The following DLG2 variants were observed in gnomAD, a reference collection of about 807,000 sequenced individuals.
DLG2 encodes disks large homolog 2.
Under a neutral mutation model 132.5 loss-of-function variants are expected in DLG2, and 45 were observed. The observed-to-expected ratio is 0.34, with a 90% CI of 0.27 to 0.44. The LOEUF (loss-of-function observed/expected upper bound fraction) is 0.44, where lower values mean the gene tolerates loss of function less well. Among genes scored for constraint, DLG2 ranks in the 20% least tolerant of loss-of-function variants. The pLI, the probability that DLG2 is intolerant of heterozygous loss-of-function variation, is 1.00. For missense variants in DLG2, 1,045 were observed against 1,196.9 expected (o/e 0.87, Z 1.87); for synonymous variants, 424 against 419.6 (o/e 1.01, Z -0.13).
intron 18 of DLG2, among the ~76,000 whole-genome samples, chr11:83,743,182 G>A (rs1428962080): frequency 6.6e-6 from 1 of 152,134 alleles, no homozygotes. Flanking sequence ...GAGCAGAAGA[G>A]GTGGTTTTAT....
At chr11:85,235,776 G>A (rs1490048484) in intron 4 of DLG2, among the ~76,000 whole-genome samples, 1 of 151,780 alleles carries the variant, frequency 6.6e-6, no homozygotes, top group African/African-American at 2.4e-5. Context: ...ATGAAAAAGT[G>A]GTGAGGATCT....
rs181120726 is a variant in DLG2, at chr11:85,288,199, A to G, written c.41-2834T>C. 2.6e-3 allele frequency among the ~76,000 whole-genome samples: 391 copies of G among 152,138 alleles called. 2 individuals carry two copies. Among genetic ancestry groups the G allele is most frequent in the Non-Finnish European group, 4.5e-3 (306 of 67,970 alleles). ...AATATTATATTTTCATAAATAATAA[A>G]GAAAAATTTTGTGTTTCATAAATAT... On this transcript the variant is annotated intron_variant, in intron 3 of 27. Transcript: ENST00000376104.
At chr11:83,641,203 A>G (rs2066403055) in intron 18 of DLG2, among the ~76,000 whole-genome samples, 1 of 152,192 alleles carries the variant, frequency 6.6e-6, no homozygotes, top group African/African-American at 2.4e-5. Context: ...GGGAAGATGT[A>G]AGTCTTATAA....
At chr11:85,439,521 G>A (rs2091668069) in intron 3 of DLG2, among the ~76,000 whole-genome samples, 2 of 151,850 alleles carry the variant, frequency 1.3e-5, no homozygotes, top group East Asian at 3.9e-4. Context: ...CACCACACCC[G>A]GCTAATTTTT....
chr11:85,002,774 C>A (rs986842749), intron 6 of DLG2, among the ~76,000 whole-genome samples: 3 of 151,952 alleles, frequency 2.0e-5, no homozygotes, highest in African/African-American at 7.3e-5. Flanking sequence ...CCTGCCTCCC[C>A]TTTCACCTCC....
In DLG2 at chr11:84,738,570, G is replaced by T. The variant is rs60517908; in HGVS notation, c.358-203839C>A. The stretch of plus-strand genomic sequence containing the variant: ...ATTATTATTTTTGAGATATTAAAAT[G>T]TTAGTGGATGCCACTATACACCAAT... On this transcript the variant is annotated intron_variant, in intron 6 of 27. Transcript: ENST00000376104. Among the ~76,000 whole-genome samples, 1,030 of 152,194 alleles carry T rather than the reference G, an allele frequency of 6.8e-3. 10 individuals are homozygous for T. The highest frequency in any genetic ancestry group is 0.024 in the African/African-American group (985 of 41,524).
intron 6 of DLG2, among the ~76,000 whole-genome samples, chr11:85,106,020 T>C (rs1218256780): frequency 2.6e-5 from 4 of 151,628 alleles, no homozygotes; most frequent in African/African-American, 7.3e-5. Flanking sequence ...TTTAGGACTA[T>C]TGCAGAATAG....
chr11:84,061,258 CT>C (rs1215691333), intron 10 of DLG2, among the ~76,000 whole-genome samples: 1 of 152,020 alleles, frequency 6.6e-6, no homozygotes, highest in Non-Finnish European at 1.5e-5. Flanking sequence ...ATCAGGAAGC[CT>C]TTTGGGGAAG....
At chr11:83,547,855 A>G (rs2141885445) in intron 19 of DLG2, among the ~76,000 whole-genome samples, 1 of 152,302 alleles carries the variant, frequency 6.6e-6, no homozygotes, top group South Asian at 2.1e-4. Context: ...TGTAACAAAT[A>G]CCTAAAAGTG....
intron 6 of DLG2, among the ~76,000 whole-genome samples, chr11:85,070,228 A>G (rs1422255684): frequency 5.9e-5 from 9 of 151,908 alleles, no homozygotes; most frequent in African/African-American, 2.2e-4. Flanking sequence ...GGTGCAGCAC[A>G]CCAACATGGC....
intron 19 of DLG2, among the ~76,000 whole-genome samples, chr11:83,571,762 C>T (rs886640786): frequency 1.3e-5 from 2 of 152,080 alleles, no homozygotes; most frequent in African/African-American, 4.8e-5. Flanking sequence ...TGATTATAGT[C>T]AGAAAGATGC....
chr11:83,906,081 C>CTCTATA (rs1211208847), intron 15 of DLG2, among the ~76,000 whole-genome samples: 1 of 96,604 alleles, frequency 1.0e-5, no homozygotes, highest in Non-Finnish European at 2.1e-5. Context: ...CTCTCTCTCT[C>CTCTATA]TATATATATA....
intron 18 of DLG2, chr11:83,724,987 C>T (rs974598089): frequency 8.6e-6 from 6 of 696,162 alleles, no homozygotes; most frequent in Middle Eastern, 2.3e-4. Flanking sequence ...CACCTCCTGA[C>T]GCTCTTGAGT....
intron 6 of DLG2, among the ~76,000 whole-genome samples, chr11:84,634,783 A>G (rs2099637786): frequency 6.6e-6 from 1 of 152,220 alleles, no homozygotes; most frequent in Non-Finnish European, 1.5e-5. Context: ...AGAATGAGCC[A>G]CAGTAACAAA....
At position 85,481,510 on chromosome 11, in the gene DLG2, C is replaced by T. The variant is rs1450299956; in HGVS notation, c.40+117147G>A. ...CTCCAGGCAGCACAGGGAGAGATAC[C>T]TTCCACTTGAGAGAAGGAGAGGGCA... On this transcript the variant is annotated intron_variant, in intron 3 of 27. Coordinates refer to ENST00000376104, the MANE Select transcript of DLG2 (RefSeq NM_001142699.3). Among the ~76,000 whole-genome samples the T allele has an allele frequency of 3.9e-5, 6 of 152,108 alleles. No individual in the cohort carries two copies. In the South Asian group the frequency reaches 8.3e-4, roughly 21 times the overall value.
intron 7 of DLG2, among the ~76,000 whole-genome samples, chr11:84,258,506 A>C (rs2097509163): frequency 6.6e-6 from 1 of 152,208 alleles, no homozygotes; most frequent in African/African-American, 2.4e-5. Flanking sequence ...TGCTATAAGT[A>C]CTTTAAGATA....
intron 6 of DLG2, among the ~76,000 whole-genome samples, chr11:85,055,709 G>A (rs1446562163): frequency 1.3e-5 from 2 of 152,154 alleles, no homozygotes; most frequent in Non-Finnish European, 2.9e-5. Context: ...TGGGGAAGGA[G>A]ACTATGAAGT....
At chr11:85,581,902 T>C (rs1366595753) in intron 3 of DLG2, among the ~76,000 whole-genome samples, 1 of 152,110 alleles carries the variant, frequency 6.6e-6, no homozygotes, top group Non-Finnish European at 1.5e-5. Context: ...GTGAGGTATA[T>C]TGCATTTGAG....
intron 13 of DLG2, among the ~76,000 whole-genome samples, 199 bp downstream of exon 13, chr11:83,965,125 C>G (rs1432554749): frequency 6.6e-6 from 1 of 151,996 alleles, no homozygotes; most frequent in African/African-American, 2.4e-5. Context: ...GGCATGCCAA[C>G]TCATTAGGAG....
Sources: gnomAD v4.1 joint callset for allele counts (sites outside exome capture counted in the v4.1 genomes callset) on GRCh38, gnomAD v4.1.1 for gene constraint, MANE v1.5 for transcripts, NCBI Gene and HGNC (gene_info 2026-07-23, HGNC 2026-07-21) for gene names.